The following PARD6B variants were observed in gnomAD, a reference collection of about 807,000 sequenced individuals.
PARD6B encodes par-6 family cell polarity regulator beta, also known as partitioning defective 6 homolog beta.
Under a neutral mutation model 10.5 loss-of-function variants are expected in PARD6B, and 4 were observed. That is an observed-to-expected ratio of 0.38 (90% CI 0.19 to 0.87). The LOEUF is 0.87. Among genes scored for constraint, PARD6B ranks in the 40% least tolerant of loss-of-function variants. The probability of loss-of-function intolerance (pLI) is 0.41; values close to 1 mark genes in which losing one functional copy is unlikely to be tolerated. For synonymous variants in PARD6B, 169 were observed against 170.4 expected (o/e 0.99, Z 0.07); for missense variants, 396 against 470.6 (o/e 0.84, Z 1.47).
At chr20:50,745,098 T>C (rs1163460920) in intron 2 of PARD6B, among the ~76,000 whole-genome samples, 1 of 152,248 alleles carries the variant, frequency 6.6e-6, no homozygotes, top group Non-Finnish European at 1.5e-5. Context: ...AAAATTTGAA[T>C]ATCTAATTTG....
At chr20:50,738,428 A>C (rs536687927) in intron 2 of PARD6B, among the ~76,000 whole-genome samples, 1 of 152,256 alleles carries the variant, frequency 6.6e-6, no homozygotes, top group Non-Finnish European at 1.5e-5. Context: ...ATGTGAAAAG[A>C]GTGTGACTTT....
Position 50,750,392 on chromosome 20 carries a change from C to T in PARD6B, c.1023C>T (p.Ser341=). The T allele has an allele frequency of 6.2e-7, 1 of 1,614,186 alleles. No individual in the cohort carries two copies. The highest frequency in any genetic ancestry group is 8.5e-7 in the Non-Finnish European group (1 of 1,180,030). ...GCTTTATTCCCTCTAATGAAGTGAG[C>T]TTAGCAGCCATAGCAAGCAGCTCAA... ...QNGFIPSNEV[S]LAAIASSSNT... The change falls in exon 3 of 3, where the codon AGC becomes AGT. Residue 341 remains serine (S), a synonymous_variant. Transcript: ENST00000371610.
intron 1 of PARD6B, among the ~76,000 whole-genome samples, chr20:50,736,598 T>C (rs770498994): frequency 3.3e-5 from 5 of 152,226 alleles, no homozygotes; most frequent in Non-Finnish European, 7.3e-5. Flanking sequence ...GATTAACTTT[T>C]CTTAGGTTTC....
In PARD6B at chr20:50,742,633, T is replaced by C. The variant is rs189407849; in HGVS notation, c.289+4554T>C. Among the ~76,000 whole-genome samples, 5 of 152,256 alleles carry C rather than the reference T, an allele frequency of 3.3e-5. No individual in the cohort carries two copies. The East Asian group carries it at 7.7e-4, about 23-fold the overall frequency. On this transcript the variant is annotated intron_variant, in intron 2 of 2. Coordinates refer to ENST00000371610, the MANE Select transcript of PARD6B (RefSeq NM_032521.3). ...CACCCTCCTCAGCCTCTCATAGTGC[T>C]GGGATTACAGGTGTGAGCCACTGCG...
chr20:50,734,391 G>T (rs905066034), intron 1 of PARD6B, among the ~76,000 whole-genome samples: 4 of 151,936 alleles, frequency 2.6e-5, no homozygotes, highest in African/African-American at 4.8e-5. Flanking sequence ...CTGTCACCCG[G>T]GCTGGAGTAC....
intron 2 of PARD6B, among the ~76,000 whole-genome samples, chr20:50,747,901 A>G (rs899290902): frequency 6.6e-6 from 1 of 152,236 alleles, no homozygotes; most frequent in Non-Finnish European, 1.5e-5. Context: ...GGAGCTCTCC[A>G]GTTTGCCAGA....
intron 2 of PARD6B, among the ~76,000 whole-genome samples, chr20:50,749,319 G>A (rs1394511398): frequency 6.7e-6 from 1 of 148,506 alleles, no homozygotes. Flanking sequence ...CTCCAGCCTG[G>A]TCGACAGAGC....
chr20:50,735,928 A>G (rs2087497099), intron 1 of PARD6B, among the ~76,000 whole-genome samples: 1 of 152,246 alleles, frequency 6.6e-6, no homozygotes, highest in East Asian at 1.9e-4. Flanking sequence ...CAGAATAAAG[A>G]AAATGGAGGA....
chr20:50,739,968 A>G (rs1479255423), intron 2 of PARD6B, among the ~76,000 whole-genome samples: 1 of 39,228 alleles, frequency 2.5e-5, no homozygotes, highest in Non-Finnish European at 5.5e-5. Flanking sequence ...AGGAGAGTCC[A>G]GCAGAGCATA....
In PARD6B at chr20:50,751,084, C is replaced by G. The variant is rs1194743572; in HGVS notation, c.*596C>G. 1 of 487,484 alleles carries G rather than the reference C, an allele frequency of 2.1e-6. No individual in the cohort carries two copies. The highest frequency in any genetic ancestry group is 2.1e-5 in the African/African-American group (1 of 47,354). The allele number at this position is 487,484 out of a possible 1,614,324, so 30.2% of individuals were successfully genotyped here. On this transcript the variant is annotated 3_prime_UTR_variant, in exon 3 of 3. Transcript: ENST00000371610. ...CCCTGGGCTCAAGCAGTCCTCCCACCTCAGCCTCCTGAGTAGCTGGGACCA... is the reference window on the plus strand; with the variant it reads ...CCCTGGGCTCAAGCAGTCCTCCCACGTCAGCCTCCTGAGTAGCTGGGACCA...
intron 2 of PARD6B, among the ~76,000 whole-genome samples, chr20:50,741,815 G>A (rs1431158219): frequency 2.0e-5 from 3 of 152,164 alleles, no homozygotes; most frequent in East Asian, 1.9e-4. Flanking sequence ...CAAAGTGCTG[G>A]GATTACAGGC....
At chr20:50,737,608 GGATA>G (rs953156105) in intron 1 of PARD6B, among the ~76,000 whole-genome samples, 7 of 152,102 alleles carry the variant, frequency 4.6e-5, no homozygotes, top group Non-Finnish European at 7.4e-5. Flanking sequence ...GGTACCCCAG[GGATA>G]GATAGAGTTG....
intron 1 of PARD6B, among the ~76,000 whole-genome samples, chr20:50,732,442 T>C (rs2087476800): frequency 6.6e-6 from 1 of 152,244 alleles, no homozygotes; most frequent in African/African-American, 2.4e-5. Flanking sequence ...AGATGCTCTT[T>C]TCATTCCATC....
intron 1 of PARD6B, among the ~76,000 whole-genome samples, chr20:50,733,948 C>T (rs1394141624): frequency 6.6e-6 from 1 of 152,162 alleles, no homozygotes; most frequent in Non-Finnish European, 1.5e-5. Flanking sequence ...TTTCTCTTGT[C>T]AACTGATTTG....
chr20:50,750,056 T>C lies in PARD6B; in HGVS notation c.687T>C (p.Asp229=). The part of the protein sequence containing the change: ...NGIEVSGKSL[D]QVTDMMIANS... ...TAGAAGTTTCAGGGAAGAGCCTTGA[T>C]CAAGTAACAGACATGATGATTGCAA... Residue 229 remains aspartate, a synonymous_variant, in exon 3 of 3, where the codon GAT becomes GAC. Coordinates refer to ENST00000371610, the MANE Select transcript of PARD6B (RefSeq NM_032521.3). 6.2e-7 allele frequency: 1 copy of C among 1,614,206 alleles called. No individual in the cohort carries two copies. Among genetic ancestry groups the C allele is most frequent in the Non-Finnish European group, 8.5e-7 (1 of 1,180,042 alleles).
At chr20:50,735,967 G>C (rs561857769) in intron 1 of PARD6B, among the ~76,000 whole-genome samples, 1 of 152,214 alleles carries the variant, frequency 6.6e-6, no homozygotes, top group Non-Finnish European at 1.5e-5. Flanking sequence ...AACATCATGA[G>C]ACTAACTGAT....
In PARD6B at chr20:50,750,445, A is replaced by T; in HGVS notation, c.1076A>T (p.Asp359Val). 3 of 1,614,044 alleles carry T rather than the reference A, an allele frequency of 1.9e-6. No homozygotes were observed. The highest frequency in any genetic ancestry group is 2.5e-6 in the Non-Finnish European group (3 of 1,179,980). Residue 359 changes from aspartate (D) to valine (V), a missense_variant, in exon 3 of 3, where the codon GAT becomes GTT. Asp to Val is a radical substitution (Grantham distance 152). Coordinates refer to ENST00000371610, the MANE Select transcript of PARD6B (RefSeq NM_032521.3). ...ACGGAATTTGAAACACATGCTCCAG[A>T]TCAAAAACTCTTAGAAGAAGATGGA... ...SNTEFETHAP[D>V]QKLLEEDGTI...
intron 2 of PARD6B, among the ~76,000 whole-genome samples, chr20:50,740,633 T>C (rs1328506215): frequency 6.6e-6 from 1 of 152,208 alleles, no homozygotes; most frequent in African/African-American, 2.4e-5. Context: ...AGAAATATGT[T>C]TCTATGTGCA....
chr20:50,732,362 T>TA (rs1482050988), intron 1 of PARD6B, among the ~76,000 whole-genome samples: 75 of 152,336 alleles, frequency 4.9e-4, no homozygotes, highest in Non-Finnish European at 4.3e-4. Context: ...GCACTAACTT[T>TA]GGTATGCATT....
Sources: allele counts gnomAD v4.1 joint callset (sites outside exome capture counted in the v4.1 genomes callset), GRCh38; gene constraint gnomAD v4.1.1; transcripts MANE v1.5; gene names NCBI Gene and HGNC (gene_info 2026-07-23, HGNC 2026-07-21).